The following TASL variants were observed in gnomAD, a reference collection of about 807,000 sequenced individuals.
TASL encodes TLR adaptor interacting with endolysosomal SLC15A4.
TASL carries 6 observed loss-of-function variants against 12.9 expected under a neutral mutation model. The observed-to-expected ratio is 0.46, with a 90% CI of 0.25 to 0.92. The LOEUF (loss-of-function observed/expected upper bound fraction) is 0.92. TASL is among the 40% of genes least tolerant of loss of function. The pLI, the probability that TASL is intolerant of heterozygous loss-of-function variation, is 0.17. For missense variants in TASL, 165 were observed against 212.8 expected (o/e 0.78, Z 1.40); for synonymous variants, 85 against 79.3 (o/e 1.07, Z -0.38).
At chrX:30,566,273 G>A (rs1244563509) in intron 2 of TASL, among the ~76,000 whole-genome samples, 3 of 110,192 alleles carry the variant, frequency 2.7e-5, no homozygotes, top group Non-Finnish European at 5.7e-5. Context: ...TTGGGAAGCC[G>A]AGGCAGGTGG....
intron 2 of TASL, among the ~76,000 whole-genome samples, chrX:30,563,255 TTCTC>T (rs996465396): frequency 3.6e-5 from 4 of 111,917 alleles, no homozygotes; most frequent in Non-Finnish European, 7.5e-5. Context: ...TGGGCACTCA[TTCTC>T]TCTCCTGCCA....
At chrX:30,569,254 T>G (rs1047057040) in intron 2 of TASL, among the ~76,000 whole-genome samples, 1 of 108,526 alleles carries the variant, frequency 9.2e-6, no homozygotes, top group African/African-American at 3.4e-5. Context: ...AGGAGGGAGG[T>G]AGGAGAAAAG....
intron 2 of TASL, among the ~76,000 whole-genome samples, chrX:30,566,010 A>G (rs1420092545): frequency 9.1e-6 from 1 of 109,757 alleles, no homozygotes; most frequent in South Asian, 4.0e-4. Context: ...ACCTGAAGCG[A>G]TCCACCTACC....
intron 2 of TASL, among the ~76,000 whole-genome samples, chrX:30,567,278 G>GAA (rs5901953): frequency 4.7e-5 from 4 of 85,243 alleles, no homozygotes; most frequent in Non-Finnish European, 7.0e-5. Context: ...CATGTCTCAA[G>GAA]AAAAAAAAAA....
Position 30,559,290 on chromosome X carries a change from T to C in TASL, c.*160A>G. 2.4e-6 allele frequency: 1 copy of C among 424,277 alleles called. No individual in the cohort carries two copies. The highest frequency in any genetic ancestry group is 4.1e-6 in the Non-Finnish European group (1 of 244,596). 35.0% of individuals were successfully genotyped at this position (424,277 alleles called of 1,213,427 possible). On this transcript the variant is annotated 3_prime_UTR_variant, in exon 3 of 3. Coordinates refer to ENST00000378962, the MANE Select transcript of TASL (RefSeq NM_025159.3). ...CATATTCCTTCATCAAGTGTAATAT[T>C]ATGAGATTTCTCCATGATTCACACA...
rs1364025315 is a variant in TASL at position 30,559,903 on chromosome X, T to A, written c.453A>T (p.Glu151Asp). The A allele has an allele frequency of 8.3e-7, 1 of 1,211,703 alleles. No homozygotes were observed. The highest frequency in any genetic ancestry group is 1.1e-6 in the Non-Finnish European group (1 of 895,352). ...CAGATGACTTCAGCAAAGGGCCATATTCAAAACTGCTCTCAGAGGGAAAAT... is the reference window on the plus strand; with the variant it reads ...CAGATGACTTCAGCAAAGGGCCATAATCAAAACTGCTCTCAGAGGGAAAAT... ...TTDFPSESSF[E>D]YGPLLKSSEI... The change falls in exon 3 of 3, where the codon GAA (glutamate) becomes GAT (aspartate). Residue 151 changes from glutamate (E) to aspartate (D), a missense_variant. Glu to Asp is a conservative substitution (Grantham distance 45, BLOSUM62 2). Coordinates refer to ENST00000378962, the MANE Select transcript of TASL (RefSeq NM_025159.3).
chrX:30,564,816 G>A (rs1479529295), intron 2 of TASL, among the ~76,000 whole-genome samples: 1 of 111,873 alleles, frequency 8.9e-6, no homozygotes, highest in Non-Finnish European at 1.9e-5. Context: ...CAGCACAGGA[G>A]AGAAACAAAC....
chrX:30,571,256 G>GAAAGAGAAAGAAAGAAAGAAAA (rs1179232270), intron 2 of TASL, among the ~76,000 whole-genome samples: 1 of 36,803 alleles, frequency 2.7e-5, no homozygotes, highest in African/African-American at 1.4e-4. Flanking sequence ...GAGAAAGAAA[G>GAAAGAGAAAGAAAGAAAGAAAA]AGAAAGAAAG....
intron 2 of TASL, among the ~76,000 whole-genome samples, chrX:30,562,514 C>T (rs1019247205): frequency 2.7e-5 from 3 of 111,498 alleles, no homozygotes; most frequent in African/African-American, 9.8e-5. Flanking sequence ...GTGGAAAGAT[C>T]GCAGACATGA....
intron 2 of TASL, among the ~76,000 whole-genome samples, chrX:30,573,926 A>AT (rs1930668612): frequency 8.9e-6 from 1 of 111,843 alleles, no homozygotes; most frequent in African/African-American, 3.3e-5. Context: ...TCAAAAATAA[A>AT]AAATAAATAA....
At chrX:30,568,455 TA>T (rs1464677975) in intron 2 of TASL, among the ~76,000 whole-genome samples, 1 of 110,828 alleles carries the variant, frequency 9.0e-6, no homozygotes, top group Non-Finnish European at 1.9e-5. Flanking sequence ...AGAAGGGCAA[TA>T]AAAGTGAAGA....
chrX:30,570,266 A>G (rs1930573783), intron 2 of TASL, among the ~76,000 whole-genome samples: 1 of 110,106 alleles, frequency 9.1e-6, no homozygotes, highest in Admixed American at 9.8e-5. Context: ...ACACATATAT[A>G]TGAAGAGAAA....
At chrX:30,566,272 C>T (rs1474092499) in intron 2 of TASL, among the ~76,000 whole-genome samples, 1 of 109,403 alleles carries the variant, frequency 9.1e-6, no homozygotes, top group Non-Finnish European at 1.9e-5. Context: ...TTTGGGAAGC[C>T]GAGGCAGGTG....
chrX:30,570,293 TAGTATTTAAGAGACCAG>T (rs908358687), intron 2 of TASL, among the ~76,000 whole-genome samples: 3 of 109,809 alleles, frequency 2.7e-5, no homozygotes, highest in African/African-American at 1.0e-4. Context: ...GAGCACGCAC[TAGTATTTAAGAGACCAG>T]AGTTCTCTGA....
chrX:30,565,664 C>T (rs1459357645), intron 2 of TASL, among the ~76,000 whole-genome samples: 1 of 109,734 alleles, frequency 9.1e-6, no homozygotes, highest in Non-Finnish European at 1.9e-5. Flanking sequence ...TTAATTGTCA[C>T]ATGACTACTC....
rs1433147274 is a variant in TASL, at chrX:30,559,311, A to G, written c.*139T>C. ...ATATTATGAGATTTCTCCATGATTC[A>G]CACATGACTTCCAGCTGATCTTTAC... On this transcript the variant is annotated 3_prime_UTR_variant, in exon 3 of 3. Coordinates refer to ENST00000378962, the MANE Select transcript of TASL (RefSeq NM_025159.3). 1.3e-5 allele frequency: 6 copies of G among 450,968 alleles called. No individual in the cohort carries two copies. The highest frequency in any genetic ancestry group is 2.3e-5 in the Non-Finnish European group (6 of 263,685). The allele number at this position is 450,968 out of a possible 1,213,427, so 37.2% of individuals were successfully genotyped here. A position where few individuals can be genotyped will look rare whatever the true frequency, so the allele number is the denominator to read the frequency against.
Position 30,563,307 on chromosome X carries a change from C to T in TASL, c.-1-2951G>A, listed in dbSNP as rs1354345965. ...GTGCCTACCACCATGATTGTGTTTCCTGAGGCTCCCCAGCCCTGCAGAACT... is the reference window on the plus strand; with the variant it reads ...GTGCCTACCACCATGATTGTGTTTCTTGAGGCTCCCCAGCCCTGCAGAACT... On this transcript the variant is annotated intron_variant, in intron 2 of 2. Transcript: ENST00000378962. Among the ~76,000 whole-genome samples the T allele has an allele frequency of 1.4e-4, 16 of 111,872 alleles. No homozygotes were observed. In the Admixed American group the frequency reaches 1.5e-3, roughly 11 times the overall value.
intron 2 of TASL, among the ~76,000 whole-genome samples, chrX:30,571,981 T>C (rs1930634572): frequency 9.1e-6 from 1 of 110,417 alleles, no homozygotes; most frequent in African/African-American, 3.3e-5. Context: ...AGAGAAGCTA[T>C]ATATATATAA....
At chrX:30,569,076 A>G (rs1180095313) in intron 2 of TASL, among the ~76,000 whole-genome samples, 1 of 110,868 alleles carries the variant, frequency 9.0e-6, no homozygotes, top group Non-Finnish European at 1.9e-5. Flanking sequence ...CATTTGATTC[A>G]TCCTGTAGGC....
Sources: gnomAD v4.1 joint callset for allele counts (sites outside exome capture counted in the v4.1 genomes callset) on GRCh38, gnomAD v4.1.1 for gene constraint, MANE v1.5 for transcripts, NCBI Gene and HGNC (gene_info 2026-07-23, HGNC 2026-07-21) for gene names.